The following SYT16 variants were observed in gnomAD, a reference collection of about 807,000 sequenced individuals.
The protein encoded by SYT16 is synaptotagmin-16.
Under a neutral mutation model 61.4 loss-of-function variants are expected in SYT16, and 42 were observed. The ratio of observed to expected loss-of-function variants is 0.68; its 90% CI spans 0.53 to 0.89. The LOEUF is 0.89. SYT16 is among the 40% of genes least tolerant of loss of function. The pLI is 0.00. For missense variants in SYT16, 804 were observed against 807.3 expected, an observed-to-expected ratio of 1.00 and a Z score of 0.05; for synonymous variants, 314 against 302.3, an observed-to-expected ratio of 1.04 and a Z score of -0.40.
chr14:61,979,556 T>C (rs1014260931), intron 2 of SYT16, among the ~76,000 whole-genome samples: 9 of 152,118 alleles, frequency 5.9e-5, no homozygotes, highest in Admixed American at 5.2e-4. Context: ...AAAGAGTACA[T>C]ATTCCCCTCC....
Position 61,895,101 on chromosome 14 carries a change from G to A in SYT16, c.-324-75031G>A, listed in dbSNP as rs112386523. Among the ~76,000 whole-genome samples, 63 of 152,238 alleles carry A rather than the reference G, an allele frequency of 4.1e-4. 1 individual carries two copies. Among genetic ancestry groups the A allele is most frequent in the Middle Eastern group, 3.4e-3 (1 of 294 alleles). Reference sequence around the variant, plus strand: ...CTAGAAACCTCATTTTTGGAAGTTGGTATCGTTAATGGCATTATATCAGAG... The same window carrying A: ...CTAGAAACCTCATTTTTGGAAGTTGATATCGTTAATGGCATTATATCAGAG... On this transcript the variant is annotated intron_variant, in intron 1 of 7. Coordinates refer to ENST00000683842, the MANE Select transcript of SYT16 (RefSeq NM_001367656.1).
intron 1 of SYT16, among the ~76,000 whole-genome samples, chr14:61,900,344 G>C (rs1349803024): frequency 6.6e-6 from 1 of 152,112 alleles, no homozygotes; most frequent in African/African-American, 2.4e-5. Context: ...TTGTAGTAGA[G>C]ACGGGGCTTT....
At chr14:61,883,153 G>A (rs1311605693) in intron 1 of SYT16, among the ~76,000 whole-genome samples, 1 of 152,192 alleles carries the variant, frequency 6.6e-6, no homozygotes, top group South Asian at 2.1e-4. Context: ...TGCCAGGAAG[G>A]TCTCTGACAT....
intron 1 of SYT16, among the ~76,000 whole-genome samples, chr14:61,835,031 A>G (rs919223589): frequency 2.0e-5 from 3 of 152,178 alleles, no homozygotes; most frequent in Non-Finnish European, 2.9e-5. Context: ...TTTTATACCC[A>G]CTTTGCATAT....
intron 1 of SYT16, among the ~76,000 whole-genome samples, chr14:61,867,741 C>T (rs1023491660): frequency 1.3e-5 from 2 of 151,904 alleles, no homozygotes; most frequent in African/African-American, 4.8e-5. Context: ...GACCTTGCTC[C>T]CAGTCTTGGG....
At chr14:61,936,656 C>T (rs531093251) in intron 1 of SYT16, among the ~76,000 whole-genome samples, 4 of 152,138 alleles carry the variant, frequency 2.6e-5, no homozygotes, top group Non-Finnish European at 2.9e-5. Context: ...CCACATCCCC[C>T]GGACTTTCTC....
At chr14:61,821,939 G>A (rs1566608278) in intron 1 of SYT16, among the ~76,000 whole-genome samples, 3 of 152,136 alleles carry the variant, frequency 2.0e-5, no homozygotes, top group Non-Finnish European at 4.4e-5. Context: ...ACTAGTCAGG[G>A]TTCTCCAGAG....
At chr14:62,048,071 C>G (rs533958966) in intron 3 of SYT16, among the ~76,000 whole-genome samples, 1 of 152,270 alleles carries the variant, frequency 6.6e-6, no homozygotes, top group East Asian at 1.9e-4. Flanking sequence ...CTCCTTGTAC[C>G]TCTGGTAGAA....
intron 2 of SYT16, among the ~76,000 whole-genome samples, chr14:61,971,701 A>G (rs2051564896): frequency 6.6e-6 from 1 of 152,238 alleles, no homozygotes; most frequent in Non-Finnish European, 1.5e-5. Context: ...ATTTTTAAAT[A>G]TCTCTGTGAG....
intron 7 of SYT16, among the ~76,000 whole-genome samples, chr14:62,096,362 A>G (rs2057275082): frequency 6.6e-6 from 1 of 152,132 alleles, no homozygotes; most frequent in Admixed American, 6.6e-5. Context: ...GGTATATCCT[A>G]GAGAAATTTT....
At chr14:61,950,679 G>C (rs1446396197) in intron 1 of SYT16, among the ~76,000 whole-genome samples, 9 of 152,168 alleles carry the variant, frequency 5.9e-5, no homozygotes, top group Non-Finnish European at 1.5e-5. Context: ...GTGAATGCTA[G>C]ACAATTAGCA....
intron 1 of SYT16, among the ~76,000 whole-genome samples, chr14:61,876,673 G>T (rs1422290347): frequency 1.3e-5 from 2 of 152,190 alleles, no homozygotes; most frequent in Admixed American, 1.3e-4. Flanking sequence ...TCTAGATTAT[G>T]TTCCTTTCCT....
chr14:62,048,898 A>G (rs1219251825), intron 3 of SYT16, among the ~76,000 whole-genome samples: 19 of 152,288 alleles, frequency 1.2e-4, no homozygotes, highest in African/African-American at 4.3e-4. Context: ...ACTTCCAACT[A>G]TGTGGCCAAT....
Position 61,820,546 on chromosome 14 carries a change from A to G in SYT16, c.-325+7736A>G, listed in dbSNP as rs376817100. Among the ~76,000 whole-genome samples, 24 of 127,860 alleles carry G rather than the reference A, an allele frequency of 1.9e-4. No homozygotes were observed. In the East Asian group the frequency reaches 4.3e-3, roughly 23 times the overall value. 83.9% of individuals were successfully genotyped at this position (127,860 alleles called of 152,430 possible). A position where few individuals can be genotyped will look rare whatever the true frequency, so the allele number is the denominator to read the frequency against. ...GCCCAGGTTGGAGTGCAGTGGCACG[A>G]TCTCGGCTCACTGCAACCTCCGCCT... On this transcript the variant is annotated intron_variant, in intron 1 of 7. Transcript: ENST00000683842.
intron 7 of SYT16, among the ~76,000 whole-genome samples, chr14:62,099,915 C>G (rs1318525708): frequency 1.3e-5 from 2 of 152,138 alleles, no homozygotes; most frequent in African/African-American, 4.8e-5. Flanking sequence ...CTCACTCACA[C>G]ACACATGCAC....
chr14:61,910,718 AG>A (rs1200581204), intron 1 of SYT16, among the ~76,000 whole-genome samples: 6 of 146,378 alleles, frequency 4.1e-5, no homozygotes, highest in African/African-American at 1.3e-4. Context: ...TAGTAGAGAC[AG>A]GGTTTCACTA....
chr14:61,934,737 C>T (rs191828851), intron 1 of SYT16, among the ~76,000 whole-genome samples: 18 of 152,160 alleles, frequency 1.2e-4, no homozygotes, highest in Non-Finnish European at 2.2e-4. Context: ...GTTTCCTTAC[C>T]TGCAAAGTGA....
chr14:61,822,011 G>A lies in SYT16; in HGVS notation c.-325+9201G>A, dbSNP rs961028020. ...TTATTAGGGGAGAATTGGCTAACAC[G>A]ATCACAAAGGTAAAGTCCCAGCATA... On this transcript the variant is annotated intron_variant, in intron 1 of 7. Coordinates refer to ENST00000683842, the MANE Select transcript of SYT16 (RefSeq NM_001367656.1). 6.6e-5 allele frequency among the ~76,000 whole-genome samples: 10 copies of A among 152,136 alleles called. No individual in the cohort carries two copies. In the South Asian group the frequency reaches 8.3e-4, roughly 13 times the overall value.
chr14:61,951,904 C>T (rs1014095203), intron 1 of SYT16, among the ~76,000 whole-genome samples: 1 of 152,148 alleles, frequency 6.6e-6, no homozygotes, highest in African/African-American at 2.4e-5. Context: ...ATCCTCCCAC[C>T]TCTGCCTCCC....
Sources: allele counts gnomAD v4.1 joint callset (sites outside exome capture counted in the v4.1 genomes callset), GRCh38; gene constraint gnomAD v4.1.1; transcripts MANE v1.5; gene names NCBI Gene and HGNC (gene_info 2026-07-23, HGNC 2026-07-21).